PI4KB: variants seen among roughly 807,000 people sequenced by gnomAD.
PI4KB encodes the protein phosphatidylinositol 4-kinase beta.
A neutral mutation model predicts 81.4 loss-of-function variants in PI4KB; 23 were observed. The ratio of observed to expected loss-of-function variants is 0.28; its 90% CI spans 0.20 to 0.40. The LOEUF (loss-of-function observed/expected upper bound fraction) is 0.40, where lower values mean the gene tolerates loss of function less well. PI4KB is among the 10% of genes least tolerant of loss of function. The pLI, the probability that PI4KB is intolerant of heterozygous loss-of-function variation, is 1.00. For synonymous variants in PI4KB, 381 were observed against 406.8 expected (o/e 0.94, Z 0.76); for missense variants, 651 against 1,036.6 (o/e 0.63, Z 5.11).
At chr1:151,293,690 CAGAT>C (rs1694528300) in intron 11 of PI4KB, 1 of 326,626 alleles carries the variant, frequency 3.1e-6, no homozygotes, top group Non-Finnish European at 5.8e-6. Context: ...ATGGAGAAGA[CAGAT>C]GGAAGGAGAC....
At chr1:151,308,722 AAG>A (rs888167176) in intron 3 of PI4KB, among the ~76,000 whole-genome samples, 2 of 152,176 alleles carry the variant, frequency 1.3e-5, no homozygotes, top group Admixed American at 6.5e-5. Context: ...GACACGAAGA[AAG>A]GCTCTCTTCC....
At position 151,316,183 on chromosome 1, in the gene PI4KB, T is replaced by A. The variant is rs1647906491; in HGVS notation, c.299A>T (p.Glu100Val). 1.2e-6 allele frequency: 2 copies of A among 1,613,996 alleles called. No individual in the cohort carries two copies. Among genetic ancestry groups the A allele is most frequent in the East Asian group, 4.5e-5 (2 of 44,886 alleles). ...LDDPPAQIRE[E>V]EDEMGAAVAS... is the part of the protein sequence containing the mutation. ...CACAGCGGCCCCCATCTCATCTTCC[T>A]CCTCCCTGATCTGGGCAGGTGGATC... is the stretch of plus-strand genomic sequence containing the variant. The change falls in exon 2 of 12, where the codon GAG becomes GTG. Residue 100 changes from glutamate to valine, a missense_variant. This residue lies in a region of PI4KB where 314 missense variants were observed against 397.8 expected (regional missense o/e 0.79). Coordinates refer to ENST00000368873, the MANE Select transcript of PI4KB (RefSeq NM_001369623.2).
intron 9 of PI4KB, chr1:151,298,401 G>A: frequency 5.1e-6 from 1 of 197,160 alleles, no homozygotes; most frequent in South Asian, 9.6e-5. Flanking sequence ...TCACAATGAA[G>A]GCCCTTCTTC....
rs560694124 is a variant in PI4KB at position 151,321,605 on chromosome 1, G to A, written c.-28-5096C>T. Among the ~76,000 whole-genome samples the A allele has an allele frequency of 3.4e-4, 52 of 152,000 alleles. 1 individual carries two copies. In the East Asian group the frequency reaches 0.01, roughly 30 times the overall value. On this transcript the variant is annotated intron_variant, in intron 1 of 11. Transcript: ENST00000368873. ...TATGCCTTTGTGGGCAGGGCATGGT[G>A]GCTCACGCCTGTAATCCCAGCACTT... is the stretch of plus-strand genomic sequence containing the variant.
rs532850101 is a variant in PI4KB, at chr1:151,325,450, G to A, written c.-29+1821C>T. ...GTGCCCTTTCGCTATCACAGGCTGAGAGAGACATGGCAGCAACTAGTTGCC... is the reference window on the plus strand; with the variant it reads ...GTGCCCTTTCGCTATCACAGGCTGAAAGAGACATGGCAGCAACTAGTTGCC... On this transcript the variant is annotated intron_variant, in intron 1 of 11. Coordinates refer to ENST00000368873, the MANE Select transcript of PI4KB (RefSeq NM_001369623.2). Among the ~76,000 whole-genome samples, 54 of 152,288 alleles carry A rather than the reference G, an allele frequency of 3.5e-4. 1 individual carries two copies. The South Asian group carries it at 0.01, about 29-fold the overall frequency.
In PI4KB at chr1:151,304,020, C is replaced by A. The variant is rs183751463; in HGVS notation, c.1411-370G>T. ...AATTTCAGCCTCACTGAGAGTCCCC[C>A]AAGGATAGGGATGCGTTCTCCCCTA... On this transcript the variant is annotated intron_variant, in intron 5 of 11. Transcript: ENST00000368873. Among the ~76,000 whole-genome samples, 116 of 152,294 alleles carry A rather than the reference C, an allele frequency of 7.6e-4. 1 individual carries two copies. Among genetic ancestry groups the A allele is most frequent in the South Asian group, 3.3e-3 (16 of 4,816 alleles).
chr1:151,296,749 C>T (rs1257259294), intron 9 of PI4KB, among the ~76,000 whole-genome samples: 3 of 151,658 alleles, frequency 2.0e-5, no homozygotes, highest in Non-Finnish European at 4.4e-5. Flanking sequence ...GGATTACAGG[C>T]GTGAGCCACC....
At chr1:151,327,191 C>T (rs1189286155) in intron 1 of PI4KB, 80 bp downstream of exon 1, 9 of 380,980 alleles carry the variant, frequency 2.4e-5, no homozygotes, top group African/African-American at 1.7e-4. Context: ...GTGGGGAAGA[C>T]TGTGCGGGAC....
intron 1 of PI4KB, chr1:151,324,790 G>A (rs746403894): frequency 3.0e-6 from 3 of 985,250 alleles, no homozygotes; most frequent in Non-Finnish European, 3.6e-6. Context: ...AAATACACTT[G>A]GACTGGGTCC....
rs28372941 is a variant in PI4KB at position 151,316,222 on chromosome 1, A to C, written c.260T>G (p.Ile87Ser). The change falls in exon 2 of 12, where the codon ATC becomes AGC. Residue 87 changes from isoleucine to serine, a missense_variant. Physicochemically the swap from Ile to Ser is moderately radical, Grantham distance 142. This residue lies in a region of PI4KB where 314 missense variants were observed against 397.8 expected (regional missense o/e 0.79). Coordinates refer to ENST00000368873, the MANE Select transcript of PI4KB (RefSeq NM_001369623.2). ...GGCAGGTGGATCATCTAGGCAACGG[A>C]TCTCACTGTCCACACCATCCCCATT... ...LVNGDGVDSE[I>S]RCLDDPPAQI... is the part of the protein sequence containing the mutation. The C allele has an allele frequency of 1.1e-3, 1,700 of 1,614,050 alleles. 33 individuals are homozygous for C. In the East Asian group the frequency reaches 0.037, roughly 35 times the overall value.
chr1:151,321,995 G>A (rs1157490515), intron 1 of PI4KB, among the ~76,000 whole-genome samples: 2 of 151,934 alleles, frequency 1.3e-5, no homozygotes, highest in Non-Finnish European at 2.9e-5. Flanking sequence ...TTCTAAGTCA[G>A]AGGAATAAGA....
intron 3 of PI4KB, 45 bp from the exon 4 acceptor site, chr1:151,307,846 G>C (rs2101963376): frequency 1.4e-6 from 2 of 1,397,422 alleles, no homozygotes; most frequent in East Asian, 4.6e-5. Context: ...AGAAACCATA[G>C]AATACAATGG....
Position 151,306,348 on chromosome 1 carries a change from A to G in PI4KB, c.1198T>C (p.Tyr400His). 1 of 1,613,188 alleles carries G rather than the reference A, an allele frequency of 6.2e-7. No individual in the cohort carries two copies. Among genetic ancestry groups the G allele is most frequent in the Non-Finnish European group, 8.5e-7 (1 of 1,179,150 alleles). ...NSKDKAPYLI[Y>H]VEVLECENFD... ...TTTTCACATTCAAGGACTTCCACAT[A>G]AATCAGGTAGGGAGCCTGGGGGAAG... Residue 400 changes from tyrosine (Y) to histidine (H), a missense_variant, in exon 5 of 12, where the codon TAT becomes CAT. By Grantham distance (83) the Tyr-to-His change is moderately conservative. This residue lies in a region of PI4KB where 246 missense variants were observed against 430.1 expected (regional missense o/e 0.57). Coordinates refer to ENST00000368873, the MANE Select transcript of PI4KB (RefSeq NM_001369623.2).
At chr1:151,303,711 C>CTGCT in intron 5 of PI4KB, 61 bp from the exon 6 acceptor site, 1 of 1,066,562 alleles carries the variant, frequency 9.4e-7, no homozygotes, top group Non-Finnish European at 1.5e-6. Context: ...CTTTCCCCTC[C>CTGCT]TGCTTGCTTG....
chr1:151,312,504 C>T (rs993169482), intron 2 of PI4KB, among the ~76,000 whole-genome samples: 1 of 152,180 alleles, frequency 6.6e-6, no homozygotes, highest in Non-Finnish European at 1.5e-5. Flanking sequence ...TCCATAGATA[C>T]TGGGGTTTTC....
At chr1:151,326,295 T>C in intron 1 of PI4KB, 1 of 1,020,128 alleles carries the variant, frequency 9.8e-7, no homozygotes, top group South Asian at 1.6e-5. Flanking sequence ...AACACCCTTC[T>C]GTCCTGAACG....
rs754910790 is a variant in PI4KB at position 151,301,821 on chromosome 1, GGCC to G, written c.1749+20_1749+22del. 3.1e-6 allele frequency: 5 copies of G among 1,611,672 alleles called. No homozygotes were observed. Among genetic ancestry groups the G allele is most frequent in the Non-Finnish European group, 4.2e-6 (5 of 1,178,626 alleles). ...TGCTGGGATTACAGCCACTGTGCCT[GGCC>G]TCTCCTTCTCTTCTCTTACCTGCAG... On this transcript the variant is annotated intron_variant, in intron 8 of 11. Transcript: ENST00000368873.
intron 8 of PI4KB, among the ~76,000 whole-genome samples, chr1:151,301,186 C>T (rs960076062): frequency 4.6e-5 from 7 of 152,106 alleles, no homozygotes; most frequent in African/African-American, 1.7e-4. Flanking sequence ...GTAGTCACCT[C>T]CGGTTGGCTG....
intron 1 of PI4KB, among the ~76,000 whole-genome samples, chr1:151,317,662 C>T (rs1648175352): frequency 6.6e-6 from 1 of 152,144 alleles, no homozygotes; most frequent in African/African-American, 2.4e-5. Flanking sequence ...AGGTGTTACT[C>T]CCTTGTTCCC....
Sources: allele counts gnomAD v4.1 joint callset (sites outside exome capture counted in the v4.1 genomes callset), GRCh38; gene constraint gnomAD v4.1.1; regional missense constraint gnomAD v4.1.1; transcripts MANE v1.5; gene names NCBI Gene and HGNC (gene_info 2026-07-23, HGNC 2026-07-21).